Variants in PIP4K2C observed in about 807,000 individuals in gnomAD.
PIP4K2C encodes the protein phosphatidylinositol-5-phosphate 4-kinase type 2 gamma.
A neutral mutation model predicts 45.0 loss-of-function variants in PIP4K2C; 21 were observed. That is an observed-to-expected ratio of 0.47 (90% CI 0.33 to 0.67). PIP4K2C has a LOEUF of 0.67. Among genes scored for constraint, PIP4K2C ranks in the 30% least tolerant of loss-of-function variants. The probability of loss-of-function intolerance (pLI) is 0.02; values close to 1 mark genes in which losing one functional copy is unlikely to be tolerated. For synonymous variants in PIP4K2C, 201 were observed against 204.8 expected (o/e 0.98, Z 0.16); for missense variants, 456 against 542.8 (o/e 0.84, Z 1.59).
At chr12:57,597,441 T>C (rs1241782707) in intron 4 of PIP4K2C, among the ~76,000 whole-genome samples, 1 of 152,178 alleles carries the variant, frequency 6.6e-6, no homozygotes, top group Non-Finnish European at 1.5e-5. Context: ...AGGAAGAAAG[T>C]TCTGATTTGG....
chr12:57,592,148 T>TC (rs1167051997), intron 1 of PIP4K2C, among the ~76,000 whole-genome samples: 2 of 152,174 alleles, frequency 1.3e-5, no homozygotes, highest in Non-Finnish European at 2.9e-5. Context: ...TGGTGGCGAT[T>TC]GTTGACCAAA....
At chr12:57,591,802 G>C (rs1187108981) in intron 1 of PIP4K2C, among the ~76,000 whole-genome samples, 2 of 152,206 alleles carry the variant, frequency 1.3e-5, no homozygotes, top group Non-Finnish European at 2.9e-5. Flanking sequence ...ATTAGGGGGA[G>C]TGGCTTTTTC....
At chr12:57,591,791 C>T (rs1391483797) in intron 1 of PIP4K2C, among the ~76,000 whole-genome samples, 1 of 152,072 alleles carries the variant, frequency 6.6e-6, no homozygotes, top group Non-Finnish European at 1.5e-5. Context: ...GCGGGGAGGA[C>T]ATTAGGGGGA....
chr12:57,591,299 T>G lies in PIP4K2C; in HGVS notation c.10T>G (p.Ser4Ala), dbSNP rs1326640775. Residue 4 changes from serine to alanine, a missense_variant, in exon 1 of 10, where the codon TCC becomes GCC. Physicochemically the swap from Ser to Ala is moderately conservative, Grantham distance 99. Coordinates refer to ENST00000354947, the MANE Select transcript of PIP4K2C (RefSeq NM_024779.5). MAS[S>A]SVPPATVSAA... is the part of the protein sequence containing the mutation. ...GGTTGCGCGGGAGACTATGGCGTCC[T>G]CCTCGGTCCCACCAGCCACGGTATC... 4 of 1,610,638 alleles carry G rather than the reference T, an allele frequency of 2.5e-6. No homozygotes were observed. Among genetic ancestry groups the G allele is most frequent in the Non-Finnish European group, 3.4e-6 (4 of 1,177,946 alleles).
chr12:57,601,967 C>T lies in PIP4K2C; in HGVS notation c.*361C>T. ...GTTGTTTGCCTTCTTCAGGACCTGA[C>T]TGGACAGATGGACCTGGCTCAAGCA... is the stretch of plus-strand genomic sequence containing the variant. On this transcript the variant is annotated 3_prime_UTR_variant, in exon 10 of 10. Transcript: ENST00000354947. The T allele has an allele frequency of 3.7e-6, 1 of 267,378 alleles. No homozygotes were observed. Among genetic ancestry groups the T allele is most frequent in the South Asian group, 5.2e-5 (1 of 19,384 alleles). The allele number at this position is 267,378 out of a possible 1,614,324, so 16.6% of individuals were successfully genotyped here.
intron 1 of PIP4K2C, among the ~76,000 whole-genome samples, chr12:57,592,749 C>G (rs1883017341): frequency 6.6e-6 from 1 of 152,044 alleles, no homozygotes; most frequent in African/African-American, 2.4e-5. Flanking sequence ...CCCCAGCACC[C>G]CACCCTCTGC....
rs185186262 is a variant in PIP4K2C, at chr12:57,598,999, T to G, written c.514-66T>G. Reference sequence around the variant, plus strand: ...TACCCTGGAATGGCAGTGTTTGAACTTCCCTGGGCTGTTTGTGTATCTGCT... The same window carrying G: ...TACCCTGGAATGGCAGTGTTTGAACGTCCCTGGGCTGTTTGTGTATCTGCT... On this transcript the variant is annotated intron_variant, in intron 4 of 9. Transcript: ENST00000354947. 616 of 1,535,798 alleles carry G rather than the reference T, an allele frequency of 4.0e-4. 5 individuals carry two copies. The South Asian group carries it at 6.8e-3, about 17-fold the overall frequency.
chr12:57,595,689 C>T (rs994111325), intron 3 of PIP4K2C, among the ~76,000 whole-genome samples, 199 bp from the exon 4 acceptor site: 6 of 128,806 alleles, frequency 4.7e-5, no homozygotes, highest in South Asian at 2.6e-4. Flanking sequence ...GGTGACAGAG[C>T]GAGACTCCTT....
intron 7 of PIP4K2C, 123 bp from the exon 8 acceptor site, chr12:57,600,688 C>A (rs973041017): frequency 3.1e-6 from 4 of 1,284,826 alleles, no homozygotes; most frequent in African/African-American, 3.0e-5. Flanking sequence ...GTATGCCCTG[C>A]AACCTCAATT....
intron 1 of PIP4K2C, 66 bp from the exon 2 acceptor site, chr12:57,593,959 C>A: frequency 8.2e-7 from 1 of 1,221,330 alleles, no homozygotes; most frequent in Non-Finnish European, 1.2e-6. Context: ...GCTGCCCAGA[C>A]ACAGTGTATG....
rs575431168 is a variant in PIP4K2C at position 57,596,488 on chromosome 12, AAAAAAAAAAAAGATT to A, written c.513+473_513+487del. On this transcript the variant is annotated intron_variant, in intron 4 of 9. Coordinates refer to ENST00000354947, the MANE Select transcript of PIP4K2C (RefSeq NM_024779.5). ...CAACAAGAGCAAAACTCCGCCTAAA[AAAAAAAAAAAAGATT>A]AAAAAAAAAAAGATTTACTTGGAAT... 2.9e-3 allele frequency among the ~76,000 whole-genome samples: 348 copies of A among 121,578 alleles called. 1 individual carries two copies. The highest frequency in any genetic ancestry group is 5.2e-3 in the Non-Finnish European group (280 of 54,174). 79.8% of individuals were successfully genotyped at this position (121,578 alleles called of 152,430 possible).
At chr12:57,593,072 A>C (rs534563655) in intron 1 of PIP4K2C, among the ~76,000 whole-genome samples, 11 of 152,164 alleles carry the variant, frequency 7.2e-5, no homozygotes, top group African/African-American at 2.4e-4. Flanking sequence ...ATTAATAGAC[A>C]TGTCAGGATC....
Position 57,596,034 on chromosome 12 carries a change from C to G in PIP4K2C, c.513+3C>G, listed in dbSNP as rs773188536. The stretch of plus-strand genomic sequence containing the variant: ...GCAACCTCTCCAACTATCACCAGGT[C>G]AGGCCTCTCTCTAGCCCCATTCTTT... On this transcript the variant is annotated splice_donor_region_variant and intron_variant, in intron 4 of 9. Coordinates refer to ENST00000354947, the MANE Select transcript of PIP4K2C (RefSeq NM_024779.5). 2.5e-6 allele frequency: 4 copies of G among 1,612,970 alleles called. No individual in the cohort carries two copies. The African/African-American group carries it at 5.3e-5, about 22-fold the overall frequency.
At position 57,600,875 on chromosome 12, in the gene PIP4K2C, G is replaced by T; in HGVS notation, c.878G>T (p.Gly293Val). ...CTAGGCATCCACGACATCATTCGGG[G>T]CTCTGAACCAGAGGAGGAAGCGCCC... is the stretch of plus-strand genomic sequence containing the variant. Reference protein sequence around the residue: ...LLLGIHDIIRGSEPEEEAPVR... With the variant: ...LLLGIHDIIRVSEPEEEAPVR... The change falls in exon 8 of 10, where the codon GGC (glycine) becomes GTC (valine). Residue 293 changes from glycine (G) to valine (V), a missense_variant. Coordinates refer to ENST00000354947, the MANE Select transcript of PIP4K2C (RefSeq NM_024779.5). 1 of 1,614,230 alleles carries T rather than the reference G, an allele frequency of 6.2e-7. No individual in the cohort carries two copies. The highest frequency in any genetic ancestry group is 8.5e-7 in the Non-Finnish European group (1 of 1,180,050).
rs759209351 is a variant in PIP4K2C at position 57,595,157 on chromosome 12, G to A, written c.304G>A (p.Glu102Lys). The A allele has an allele frequency of 1.2e-6, 2 of 1,611,622 alleles. No individual in the cohort carries two copies. Among genetic ancestry groups the A allele is most frequent in the Middle Eastern group, 1.7e-4 (1 of 6,058 alleles). ...TCTGCCCAGTCATTTCAAGTTCAAGGAGTATTGTCCCCAGGTCTTCAGGAA... is the reference window on the plus strand; with the variant it reads ...TCTGCCCAGTCATTTCAAGTTCAAGAAGTATTGTCCCCAGGTCTTCAGGAA... The part of the protein sequence containing the change: ...ENLPSHFKFK[E>K]YCPQVFRNLR... Residue 102 changes from glutamate to lysine, a missense_variant, in exon 3 of 10, where the codon GAG (glutamate) becomes AAG (lysine). By Grantham distance (56) the Glu-to-Lys change is moderately conservative. Transcript: ENST00000354947.
In PIP4K2C at chr12:57,595,878, G is replaced by T; in HGVS notation, c.370-10G>T. ...GAGGAAAAGAGCTCTGGCCTATTCTGTGTCCCCAGGTGTCCCTTACCCGAA... is the reference window on the plus strand; with the variant it reads ...GAGGAAAAGAGCTCTGGCCTATTCTTTGTCCCCAGGTGTCCCTTACCCGAA... On this transcript the variant is annotated splice_polypyrimidine_tract_variant and intron_variant, in intron 3 of 9. Transcript: ENST00000354947. 1.2e-6 allele frequency: 2 copies of T among 1,613,724 alleles called. No homozygotes were observed. Among genetic ancestry groups the T allele is most frequent in the Non-Finnish European group, 1.7e-6 (2 of 1,179,872 alleles).
intron 4 of PIP4K2C, among the ~76,000 whole-genome samples, chr12:57,597,353 A>C (rs1883235580): frequency 6.6e-6 from 1 of 152,184 alleles, no homozygotes; most frequent in African/African-American, 2.4e-5. Context: ...GTTAAGACAC[A>C]GGGGCCTCCA....
intron 1 of PIP4K2C, among the ~76,000 whole-genome samples, chr12:57,593,297 C>T (rs768547722): frequency 6.6e-6 from 1 of 152,156 alleles, no homozygotes; most frequent in Non-Finnish European, 1.5e-5. Flanking sequence ...CCTTTCTACC[C>T]TGAATTAGCA....
chr12:57,601,527 C>G lies in PIP4K2C; in HGVS notation c.1187C>G (p.Ala396Gly). 6.2e-7 allele frequency: 1 copy of G among 1,612,286 alleles called. No homozygotes were observed. The highest frequency in any genetic ancestry group is 1.7e-5 in the Admixed American group (1 of 60,022). Reference protein sequence around the residue: ...AHAAKTVKHGAGAEISTVHPE... With the variant: ...AHAAKTVKHGGGAEISTVHPE... Reference sequence around the variant, plus strand: ...ATTGTTCCGTATCTCCTCTCACAGGCTGGGGCAGAGATCTCTACTGTCCAT... The same window carrying G: ...ATTGTTCCGTATCTCCTCTCACAGGGTGGGGCAGAGATCTCTACTGTCCAT... The change falls in exon 10 of 10, where the codon GCT (alanine) becomes GGT (glycine). Residue 396 changes from alanine (A) to glycine (G), a missense_variant and splice_region_variant. This residue lies in a region of PIP4K2C where 35 missense variants were observed against 69.7 expected (regional missense o/e 0.50). Transcript: ENST00000354947.
Sources: gnomAD v4.1 joint callset for allele counts (sites outside exome capture counted in the v4.1 genomes callset) on GRCh38, gnomAD v4.1.1 for gene constraint, gnomAD v4.1.1 regional missense constraint, MANE v1.5 for transcripts, NCBI Gene and HGNC (gene_info 2026-07-23, HGNC 2026-07-21) for gene names.